FYB1: variants seen among roughly 807,000 people sequenced by gnomAD.
FYB1 encodes the protein FYN-binding protein 1.
In FYB1, 41 loss-of-function variants were observed where a neutral mutation model predicts 94.1. The observed-to-expected ratio is 0.44, with a 90% CI of 0.34 to 0.57. The LOEUF (loss-of-function observed/expected upper bound fraction) is 0.57. FYB1 is among the 20% of genes least tolerant of loss of function. FYB1 has a pLI of 0.02. For missense variants in FYB1, 1,050 were observed against 976.8 expected (o/e 1.07, Z -1.00); for synonymous variants, 367 against 353.2 (o/e 1.04, Z -0.44).
rs1230447984 is a variant in FYB1 at position 39,183,467 on chromosome 5, G to C, written c.1135+18359C>G. Among the ~76,000 whole-genome samples, 3 of 152,146 alleles carry C rather than the reference G, an allele frequency of 2.0e-5. 1 individual carries two copies. Among genetic ancestry groups the C allele is most frequent in the African/African-American group, 4.8e-5 (2 of 41,424 alleles). ...TGTCGAGCATAAAGGGAGAATGAATGTTGTCCCAAAAGTCTTGTAAGCTTC... is the reference window on the plus strand; with the variant it reads ...TGTCGAGCATAAAGGGAGAATGAATCTTGTCCCAAAAGTCTTGTAAGCTTC... On this transcript the variant is annotated intron_variant, in intron 2 of 18. Transcript: ENST00000512982.
intron 12 of FYB1, 156 bp from the exon 13 acceptor site, chr5:39,124,434 C>T (rs1208785521): frequency 3.2e-5 from 16 of 502,168 alleles, no homozygotes; most frequent in Non-Finnish European, 5.3e-5. Flanking sequence ...CATTTCTCCA[C>T]TAAGTCCATT....
intron 4 of FYB1, 63 bp from the exon 5 acceptor site, chr5:39,139,315 T>G: frequency 7.9e-7 from 1 of 1,268,232 alleles, no homozygotes; most frequent in Non-Finnish European, 1.1e-6. Flanking sequence ...AATGTAAGAT[T>G]ATTGGATATG....
At chr5:39,257,311 T>C (rs764468012) in intron 1 of FYB1, among the ~76,000 whole-genome samples, 4 of 152,114 alleles carry the variant, frequency 2.6e-5, no homozygotes, top group East Asian at 1.9e-4. Context: ...GTAGGACTTA[T>C]AAAGCAAAGG....
At chr5:39,265,498 G>GA (rs200262344) in intron 1 of FYB1, among the ~76,000 whole-genome samples, 1 of 123,664 alleles carries the variant, frequency 8.1e-6, no homozygotes, top group Non-Finnish European at 1.8e-5. Flanking sequence ...AAAAAAAAAA[G>GA]AAAAAAAAAT....
intron 3 of FYB1, among the ~76,000 whole-genome samples, chr5:39,146,338 C>T (rs1249347645): frequency 1.3e-5 from 2 of 152,192 alleles, no homozygotes; most frequent in Non-Finnish European, 2.9e-5. Flanking sequence ...AGTGATTATT[C>T]TGTATTCCTT....
intron 1 of FYB1, among the ~76,000 whole-genome samples, chr5:39,246,420 C>A (rs1271604640): frequency 6.6e-6 from 1 of 152,134 alleles, no homozygotes; most frequent in Non-Finnish European, 1.5e-5. Flanking sequence ...TATTGCCAAC[C>A]AATTCTGCTC....
intron 1 of FYB1, among the ~76,000 whole-genome samples, chr5:39,241,818 A>G (rs891500109): frequency 1.5e-5 from 2 of 132,554 alleles, no homozygotes; most frequent in African/African-American, 6.0e-5. Context: ...TCTTCCTGTT[A>G]CAGTTTAAGC....
chr5:39,114,843 G>A (rs1012870823), intron 16 of FYB1, among the ~76,000 whole-genome samples: 19 of 152,122 alleles, frequency 1.2e-4, no homozygotes, highest in Non-Finnish European at 2.6e-4. Context: ...CTGACATTAC[G>A]ATGTTGAGAA....
At chr5:39,113,325 G>T (rs918536475) in intron 16 of FYB1, among the ~76,000 whole-genome samples, 4 of 152,118 alleles carry the variant, frequency 2.6e-5, no homozygotes, top group African/African-American at 9.7e-5. Context: ...TAGAAGGGCA[G>T]CTATGTTTAG....
chr5:39,149,760 T>C (rs1408221269), intron 3 of FYB1, among the ~76,000 whole-genome samples: 4 of 152,118 alleles, frequency 2.6e-5, no homozygotes, highest in Non-Finnish European at 5.9e-5. Context: ...GGATGCTTCC[T>C]TTCCTGGGCT....
rs766952789 is a variant in FYB1 at position 39,141,143 on chromosome 5, T to C, written c.1293-2A>G. ...TGATTGTCTTCATTGACAGGGCTTC[T>C]GAAAACGAGAAAGAAGAAACAGTGA... On this transcript the variant is annotated splice_acceptor_variant, in intron 3 of 18. Coordinates refer to ENST00000512982, the MANE Select transcript of FYB1 (RefSeq NM_001465.6). LOFTEE classifies it high-confidence loss of function. 4.4e-6 allele frequency: 7 copies of C among 1,586,406 alleles called. No homozygotes were observed. Among genetic ancestry groups the C allele is most frequent in the Non-Finnish European group, 6.0e-6 (7 of 1,162,716 alleles).
chr5:39,193,683 C>T (rs1747566694), intron 2 of FYB1, among the ~76,000 whole-genome samples: 1 of 152,160 alleles, frequency 6.6e-6, no homozygotes, highest in Non-Finnish European at 1.5e-5. Flanking sequence ...AAGGAAAATC[C>T]TTCAGCATAA....
intron 2 of FYB1, among the ~76,000 whole-genome samples, chr5:39,161,875 G>C (rs545229442): frequency 6.6e-6 from 1 of 152,262 alleles, no homozygotes; most frequent in South Asian, 2.1e-4. Context: ...TGCTGCCATA[G>C]GCAGCCAATA....
intron 1 of FYB1, among the ~76,000 whole-genome samples, chr5:39,205,285 A>ATC (rs1384081259): frequency 1.3e-5 from 2 of 152,190 alleles, no homozygotes; most frequent in Non-Finnish European, 2.9e-5. Flanking sequence ...CTGGGTTTGA[A>ATC]TCTTACTCGC....
chr5:39,240,328 C>T (rs1285441006), intron 1 of FYB1, among the ~76,000 whole-genome samples: 1 of 152,134 alleles, frequency 6.6e-6, no homozygotes, highest in East Asian at 1.9e-4. Flanking sequence ...CAAATGGAAC[C>T]TAATTAAACT....
chr5:39,210,135 A>G (rs552835872), intron 1 of FYB1, among the ~76,000 whole-genome samples: 1 of 152,184 alleles, frequency 6.6e-6, no homozygotes, highest in South Asian at 2.1e-4. Context: ...GGTAGCCCTG[A>G]TTGTGACAAC....
chr5:39,194,585 A>G (rs1457523193), intron 2 of FYB1, among the ~76,000 whole-genome samples: 1 of 152,084 alleles, frequency 6.6e-6, no homozygotes, highest in Non-Finnish European at 1.5e-5. Context: ...GAAGGAAGGG[A>G]GGATATCTTG....
At chr5:39,148,438 T>C (rs1742967260) in intron 3 of FYB1, among the ~76,000 whole-genome samples, 1 of 116,000 alleles carries the variant, frequency 8.6e-6, no homozygotes, top group South Asian at 3.2e-4. Flanking sequence ...GGAAGAAATC[T>C]ACATGACACA....
chr5:39,197,154 A>G (rs1014456589), intron 2 of FYB1, among the ~76,000 whole-genome samples: 15 of 152,342 alleles, frequency 9.8e-5, no homozygotes, highest in Middle Eastern at 3.4e-3. Context: ...ACACTAGTAT[A>G]ATTACTTCTA....
Sources: allele counts gnomAD v4.1 joint callset (sites outside exome capture counted in the v4.1 genomes callset), GRCh38; gene constraint gnomAD v4.1.1; transcripts MANE v1.5; gene names NCBI Gene and HGNC (gene_info 2026-07-23, HGNC 2026-07-21).